The following RBFOX1 variants were observed in gnomAD, a reference collection of about 807,000 sequenced individuals.
RBFOX1 encodes RNA binding fox-1 homolog 1, also known as RNA binding protein fox-1 homolog 1.
In RBFOX1, 8 loss-of-function variants were observed where a neutral mutation model predicts 57.7. That is an observed-to-expected ratio of 0.14 (90% confidence interval 0.08 to 0.25). RBFOX1 has a LOEUF of 0.25. Among genes scored for constraint, RBFOX1 ranks in the 10% least tolerant of loss-of-function variants. The pLI is 1.00. For synonymous variants in RBFOX1, 326 were observed against 222.4 expected (o/e 1.47, Z -4.15); for missense variants, 611 against 548.5 (o/e 1.11, Z -1.14).
intron 12 of RBFOX1, among the ~76,000 whole-genome samples, chr16:7,661,809 GT>G (rs2067825872): frequency 6.6e-6 from 1 of 152,108 alleles, no homozygotes; most frequent in Non-Finnish European, 1.5e-5. Context: ...TTCTTCTTTG[GT>G]TCAGTGTTTC....
intron 3 of RBFOX1, among the ~76,000 whole-genome samples, chr16:6,809,736 C>T (rs1310113091): frequency 6.6e-6 from 1 of 152,126 alleles, no homozygotes; most frequent in East Asian, 1.9e-4. Context: ...TTCTCAGCGA[C>T]AGAGTTATTT....
chr16:7,446,866 G>A (rs969882706), intron 4 of RBFOX1, among the ~76,000 whole-genome samples: 5 of 131,956 alleles, frequency 3.8e-5, no homozygotes, highest in African/African-American at 1.4e-4. Flanking sequence ...AGGCTGCAGT[G>A]CAGGAGTGTG....
At chr16:7,109,799 C>G (rs961665595) in intron 4 of RBFOX1, among the ~76,000 whole-genome samples, 8 of 152,204 alleles carry the variant, frequency 5.3e-5, no homozygotes, top group East Asian at 1.9e-4. Context: ...CTGAACAAAC[C>G]TGAATTGACA....
At chr16:6,100,489 C>A (rs940518237) in intron 1 of RBFOX1, among the ~76,000 whole-genome samples, 2 of 152,296 alleles carry the variant, frequency 1.3e-5, no homozygotes, top group African/African-American at 4.8e-5. Context: ...TAATGTGATG[C>A]TTTGGTAGAC....
At chr16:7,220,913 G>C (rs2092680738) in intron 4 of RBFOX1, among the ~76,000 whole-genome samples, 1 of 151,990 alleles carries the variant, frequency 6.6e-6, no homozygotes, top group South Asian at 2.1e-4. Context: ...CTATGGAATG[G>C]GTTCTTAGGA....
chr16:6,404,441 C>G (rs77740724), intron 2 of RBFOX1, among the ~76,000 whole-genome samples: 15,312 of 152,132 alleles, frequency 0.1, 1,087 homozygotes, highest in African/African-American at 0.19. Flanking sequence ...AAGGAGAGTT[C>G]AGTTACAAAT....
chr16:6,609,422 G>A (rs141297793), intron 2 of RBFOX1, among the ~76,000 whole-genome samples: 1,725 of 152,094 alleles, frequency 0.011, 33 homozygotes, highest in African/African-American at 0.038. Context: ...TCAGCTCACT[G>A]CAATCTCCTC....
At chr16:5,652,609 C>T (rs891257135) in intron 3 of RBFOX1, among the ~76,000 whole-genome samples, 2 of 152,224 alleles carry the variant, frequency 1.3e-5, no homozygotes, top group Non-Finnish European at 2.9e-5. Context: ...GTCCTCCTCT[C>T]AGCCCCCACC....
intron 3 of RBFOX1, among the ~76,000 whole-genome samples, chr16:7,001,750 C>G (rs1436920711): frequency 1.3e-5 from 2 of 152,176 alleles, no homozygotes; most frequent in African/African-American, 2.4e-5. Context: ...CGTCAACACA[C>G]TGGCCTCTAT....
At chr16:6,928,241 T>A (rs1001373967) in intron 3 of RBFOX1, among the ~76,000 whole-genome samples, 2 of 152,154 alleles carry the variant, frequency 1.3e-5, no homozygotes, top group Admixed American at 1.3e-4. Flanking sequence ...ATTTAATTGG[T>A]CTGAGGATCC....
intron 3 of RBFOX1, among the ~76,000 whole-genome samples, chr16:5,745,248 C>A (rs989248838): frequency 7.9e-5 from 12 of 152,126 alleles, no homozygotes; most frequent in African/African-American, 2.7e-4. Context: ...CAGCTTCATC[C>A]ATGTCTCTAC....
chr16:7,572,843 G>GAATAAATAAATAAATACATA (rs2092931022), intron 5 of RBFOX1, among the ~76,000 whole-genome samples: 1 of 146,664 alleles, frequency 6.8e-6, no homozygotes, highest in Admixed American at 6.9e-5. Context: ...TCTCTCAAAT[G>GAATAAATAAATAAATACATA]AATAAATAAA....
At chr16:6,029,256 C>T (rs369304538) in intron 1 of RBFOX1, among the ~76,000 whole-genome samples, 2 of 152,096 alleles carry the variant, frequency 1.3e-5, no homozygotes. Flanking sequence ...CTGTGTAAAC[C>T]TAAAATAATC....
intron 4 of RBFOX1, among the ~76,000 whole-genome samples, chr16:7,092,272 C>G (rs1400806056): frequency 6.6e-6 from 1 of 152,052 alleles, no homozygotes; most frequent in Non-Finnish European, 1.5e-5. Context: ...TTGTGGAGAG[C>G]CAGAAATGCT....
chr16:7,195,941 T>C (rs2086592823), intron 4 of RBFOX1, among the ~76,000 whole-genome samples: 1 of 152,118 alleles, frequency 6.6e-6, no homozygotes, highest in Admixed American at 6.5e-5. Context: ...TATGATTTTT[T>C]CTTTCATTCT....
At chr16:5,843,059 C>A (rs1001451669) in intron 3 of RBFOX1, among the ~76,000 whole-genome samples, 1 of 152,122 alleles carries the variant, frequency 6.6e-6, no homozygotes, top group Non-Finnish European at 1.5e-5. Flanking sequence ...GAACTCCTGA[C>A]CTCGTGATTC....
At chr16:6,845,102 T>G (rs578062345) in intron 3 of RBFOX1, among the ~76,000 whole-genome samples, 1 of 152,284 alleles carries the variant, frequency 6.6e-6, no homozygotes, top group Non-Finnish European at 1.5e-5. Context: ...ATGGATAGAT[T>G]GCGAACATTG....
At chr16:6,490,833 G>A (rs1260454542) in intron 2 of RBFOX1, among the ~76,000 whole-genome samples, 2 of 152,222 alleles carry the variant, frequency 1.3e-5, no homozygotes, top group African/African-American at 4.8e-5. Context: ...AACAAAGAGA[G>A]CGAAGAGTGA....
At chr16:5,991,600 C>T (rs1004999978) in intron 4 of RBFOX1, among the ~76,000 whole-genome samples, 1 of 151,522 alleles carries the variant, frequency 6.6e-6, no homozygotes, top group African/African-American at 2.4e-5. Flanking sequence ...CAAGGAGAAA[C>T]TCCTCATCGA....
Sources: gnomAD v4.1 joint callset for allele counts (sites outside exome capture counted in the v4.1 genomes callset) on GRCh38, gnomAD v4.1.1 for gene constraint, MANE v1.5 for transcripts, NCBI Gene and HGNC (gene_info 2026-07-23, HGNC 2026-07-21) for gene names.